The following TAFA2 variants were observed in gnomAD, a reference collection of about 807,000 sequenced individuals.
The protein encoded by TAFA2 is TAFA chemokine like family member 2.
In TAFA2, 7 loss-of-function variants were observed where a neutral mutation model predicts 18.8. The observed-to-expected ratio is 0.37, with a 90% CI of 0.21 to 0.70. The LOEUF is 0.70. TAFA2 is among the 30% of genes least tolerant of loss of function. The pLI, the probability that TAFA2 is intolerant of heterozygous loss-of-function variation, is 0.53. For synonymous variants in TAFA2, 60 were observed against 54.2 expected, an observed-to-expected ratio of 1.11 and a Z score of -0.47; for missense variants, 122 against 158.1, an observed-to-expected ratio of 0.77 and a Z score of 1.23.
intron 1 of TAFA2, among the ~76,000 whole-genome samples, chr12:61,913,016 T>C (rs1283592144): frequency 6.6e-6 from 1 of 152,192 alleles, no homozygotes; most frequent in African/African-American, 2.4e-5. Flanking sequence ...GTAATGAGTA[T>C]GGTAAATAGA....
intron 4 of TAFA2, among the ~76,000 whole-genome samples, chr12:61,738,776 A>G (rs895614610): frequency 1.3e-5 from 2 of 152,064 alleles, no homozygotes; most frequent in Non-Finnish European, 2.9e-5. Context: ...TTTTGTGGCT[A>G]TTCTAAAAGA....
chr12:61,839,478 T>C lies in TAFA2; in HGVS notation c.106+27842A>G, dbSNP rs564339683. ...ATGTTTATCATAACACTACTCACGA[T>C]AGCAAAGACAGGGAATCAATCTAGG... On this transcript the variant is annotated intron_variant, in intron 2 of 4. Coordinates refer to ENST00000416284, the MANE Select transcript of TAFA2 (RefSeq NM_178539.5). 3.3e-5 allele frequency among the ~76,000 whole-genome samples: 5 copies of C among 152,178 alleles called. No individual in the cohort carries two copies. The South Asian group carries it at 1.0e-3, about 32-fold the overall frequency.
intron 1 of TAFA2, among the ~76,000 whole-genome samples, chr12:62,014,706 G>A (rs921550650): frequency 2.6e-5 from 4 of 152,120 alleles, no homozygotes; most frequent in Non-Finnish European, 4.4e-5. Context: ...AGTTAAACAG[G>A]CCATAAAGAA....
intron 2 of TAFA2, among the ~76,000 whole-genome samples, chr12:61,820,132 A>C (rs1257951633): frequency 2.6e-5 from 4 of 152,066 alleles, no homozygotes; most frequent in Non-Finnish European, 5.9e-5. Flanking sequence ...CCCAACAGTT[A>C]CCAATACTCC....
At chr12:62,236,969 T>C (rs1026268558) in intron 1 of TAFA2, among the ~76,000 whole-genome samples, 2 of 152,246 alleles carry the variant, frequency 1.3e-5, no homozygotes, top group African/African-American at 4.8e-5. Flanking sequence ...GACCTTCCTG[T>C]ACCTGAATAT....
chr12:61,919,361 T>G (rs187146314), intron 1 of TAFA2, among the ~76,000 whole-genome samples: 2 of 152,314 alleles, frequency 1.3e-5, no homozygotes, highest in African/African-American at 4.8e-5. Flanking sequence ...GCTTAGTCCC[T>G]CTCATATGTT....
chr12:61,896,460 T>C (rs1875848262), intron 1 of TAFA2, among the ~76,000 whole-genome samples: 1 of 152,232 alleles, frequency 6.6e-6, no homozygotes, highest in Non-Finnish European at 1.5e-5. Context: ...TTCAGTTAAA[T>C]ACACAGCACT....
chr12:61,952,148 A>C (rs11174251), intron 1 of TAFA2, among the ~76,000 whole-genome samples: 1 of 152,000 alleles, frequency 6.6e-6, no homozygotes, highest in Non-Finnish European at 1.5e-5. Flanking sequence ...AAATTCTATC[A>C]TCTGTTTAGG....
intron 4 of TAFA2, among the ~76,000 whole-genome samples, chr12:61,729,296 T>C (rs568114161): frequency 4.6e-5 from 7 of 152,182 alleles, no homozygotes; most frequent in East Asian, 1.9e-4. Flanking sequence ...CATGAAAATT[T>C]TCCTCAATTA....
At chr12:62,011,147 G>A (rs953827948) in intron 1 of TAFA2, among the ~76,000 whole-genome samples, 16 of 150,982 alleles carry the variant, frequency 1.1e-4, no homozygotes, top group African/African-American at 3.7e-4. Flanking sequence ...CGGCCGCCCC[G>A]TCTGGGAAAT....
intron 1 of TAFA2, among the ~76,000 whole-genome samples, chr12:62,237,116 C>G (rs1362670043): frequency 6.6e-6 from 1 of 152,154 alleles, no homozygotes; most frequent in Non-Finnish European, 1.5e-5. Context: ...TTTTCTATAT[C>G]TTGCAGGCAT....
chr12:62,252,284 C>T (rs1469065559), intron 1 of TAFA2: 1 of 152,234 alleles, frequency 6.6e-6, no homozygotes, highest in Non-Finnish European at 1.5e-5. Context: ...TGTATAAGAG[C>T]AGCCTGACCT....
At chr12:61,888,227 T>C (rs1458555559) in intron 1 of TAFA2, among the ~76,000 whole-genome samples, 1 of 152,200 alleles carries the variant, frequency 6.6e-6, no homozygotes, top group African/African-American at 2.4e-5. Flanking sequence ...ATCCCATTAC[T>C]GGGTATATAC....
intron 1 of TAFA2, among the ~76,000 whole-genome samples, chr12:61,882,785 G>T (rs1875204938): frequency 1.3e-5 from 2 of 152,114 alleles, no homozygotes; most frequent in South Asian, 4.1e-4. Context: ...AGGATTTGGA[G>T]TAAGAATACT....
At chr12:61,777,705 A>G (rs1019588711) in intron 2 of TAFA2, among the ~76,000 whole-genome samples, 3 of 151,562 alleles carry the variant, frequency 2.0e-5, no homozygotes, top group Non-Finnish European at 4.4e-5. Flanking sequence ...CGGTGCCTTA[A>G]TTTTCTCACT....
chr12:62,236,942 T>A (rs1213884314), intron 1 of TAFA2, among the ~76,000 whole-genome samples: 1 of 152,202 alleles, frequency 6.6e-6, no homozygotes, highest in Non-Finnish European at 1.5e-5. Flanking sequence ...TCGGGTTGAA[T>A]CTGTTTGGTG....
At chr12:62,114,698 G>C (rs1037483410) in intron 1 of TAFA2, among the ~76,000 whole-genome samples, 2 of 152,180 alleles carry the variant, frequency 1.3e-5, no homozygotes, top group African/African-American at 4.8e-5. Flanking sequence ...GAAAGGCAAA[G>C]TACATGGCCG....
chr12:62,200,268 A>G (rs983315081), intron 1 of TAFA2, among the ~76,000 whole-genome samples: 24 of 152,064 alleles, frequency 1.6e-4, no homozygotes, highest in African/African-American at 5.1e-4. Context: ...ATTAGATCCC[A>G]TTTGTCAATT....
chr12:61,978,697 C>G (rs1436032937), intron 1 of TAFA2, among the ~76,000 whole-genome samples: 2 of 151,972 alleles, frequency 1.3e-5, no homozygotes, highest in Non-Finnish European at 2.9e-5. Context: ...CAACCAAGAC[C>G]TACTGAATTA....
Sources: gnomAD v4.1 joint callset for allele counts (sites outside exome capture counted in the v4.1 genomes callset) on GRCh38, gnomAD v4.1.1 for gene constraint, MANE v1.5 for transcripts, NCBI Gene and HGNC (gene_info 2026-07-23, HGNC 2026-07-21) for gene names.